The following IL18R1 variants were observed in gnomAD, a reference collection of about 807,000 sequenced individuals.
The protein encoded by IL18R1 is interleukin 18 receptor 1, also known as interleukin-18 receptor 1.
Under a neutral mutation model 48.5 loss-of-function variants are expected in IL18R1, and 40 were observed. That is an observed-to-expected ratio of 0.82 (90% confidence interval 0.64 to 1.07). IL18R1 has a LOEUF of 1.07. Ranked by LOEUF, IL18R1 falls within the 50% of genes least tolerant of loss-of-function variation. The probability of loss-of-function intolerance (pLI) is 0.00; values close to 1 mark genes in which losing one functional copy is unlikely to be tolerated. For synonymous variants in IL18R1, 232 were observed against 225.9 expected, an observed-to-expected ratio of 1.03 and a Z score of -0.24; for missense variants, 596 against 633.7, an observed-to-expected ratio of 0.94 and a Z score of 0.64.
intron 9 of IL18R1, among the ~76,000 whole-genome samples, chr2:102,394,267 A>C (rs534159246): frequency 6.6e-6 from 1 of 152,270 alleles, no homozygotes; most frequent in Admixed American, 6.5e-5. Context: ...GGTGTCAAGC[A>C]GTGGGATCTT....
chr2:102,373,225 C>G (rs11465608), intron 4 of IL18R1, among the ~76,000 whole-genome samples: 394 of 152,070 alleles, frequency 2.6e-3, no homozygotes, highest in Non-Finnish European at 4.0e-3. Flanking sequence ...AGTTGGTATA[C>G]CTTTTACCTG....
At position 102,396,542 on chromosome 2, in the gene IL18R1, GA is replaced by G. The variant is rs2105139080; in HGVS notation, c.1285del (p.Ile429SerfsTer4). On this transcript the variant is annotated frameshift_variant, in exon 11 of 11. Transcript: ENST00000233957. LOFTEE classifies it low-confidence loss of function (END_TRUNC). ...TCTTGCATTTTCAGCTGTTGTTGAT[GA>G]AATCCACTCACTGATAGAGAAAAGC... ...DVVPGGAVVDEIHSLIEKSRR... is the reference protein window; with the variant it reads ...DVVPGGAVVDXIHSLIEKSRR... 1.3e-6 allele frequency: 2 copies of G among 1,584,572 alleles called. No homozygotes were observed. The highest frequency in any genetic ancestry group is 1.7e-6 in the Non-Finnish European group (2 of 1,164,664).
intron 5 of IL18R1, among the ~76,000 whole-genome samples, chr2:102,377,614 C>A (rs1331611725): frequency 6.6e-6 from 1 of 152,262 alleles, no homozygotes; most frequent in South Asian, 2.1e-4. Context: ...CTGCACCAGG[C>A]TGGAAAATGT....
At chr2:102,360,290 G>A (rs1678496767) in intron 1 of IL18R1, among the ~76,000 whole-genome samples, 1 of 152,194 alleles carries the variant, frequency 6.6e-6, no homozygotes, top group African/African-American at 2.4e-5. Flanking sequence ...TTGAGAAGGA[G>A]TCTTGCTCTG....
intron 8 of IL18R1, among the ~76,000 whole-genome samples, chr2:102,388,856 G>A (rs1680396426): frequency 2.6e-5 from 4 of 152,130 alleles, no homozygotes; most frequent in Admixed American, 2.0e-4. Context: ...GAAAGATATG[G>A]AAAGATAATT....
rs1420383101 is a variant in IL18R1 at position 102,398,415 on chromosome 2, A to T, written c.*1529A>T. 1 of 152,364 alleles carries T rather than the reference A, an allele frequency of 6.6e-6. No individual in the cohort carries two copies. The highest frequency in any genetic ancestry group is 1.5e-5 in the Non-Finnish European group (1 of 68,034). The allele number at this position is 152,364 out of a possible 1,614,324, so 9.4% of individuals were successfully genotyped here. ...AGATTGTTTCAAATGGGTGTAGTAGATATTACTGAAAACCAAAAAAGAGTG... is the reference window on the plus strand; with the variant it reads ...AGATTGTTTCAAATGGGTGTAGTAGTTATTACTGAAAACCAAAAAAGAGTG... On this transcript the variant is annotated 3_prime_UTR_variant, in exon 11 of 11. Coordinates refer to ENST00000233957, the MANE Select transcript of IL18R1 (RefSeq NM_003855.5).
At chr2:102,391,584 A>G (rs1680571468) in intron 9 of IL18R1, among the ~76,000 whole-genome samples, 1 of 152,226 alleles carries the variant, frequency 6.6e-6, no homozygotes, top group Non-Finnish European at 1.5e-5. Flanking sequence ...TGTATGCAGT[A>G]GGTCTGAAAG....
At chr2:102,364,032 A>G (rs1003689972) in intron 2 of IL18R1, among the ~76,000 whole-genome samples, 1 of 152,212 alleles carries the variant, frequency 6.6e-6, no homozygotes, top group Non-Finnish European at 1.5e-5. Flanking sequence ...ATGGTAAACC[A>G]TGATTAGATA....
rs1477166176 is a variant in IL18R1 at position 102,355,981 on chromosome 2, A to ACCCGGACCGGAGGGTC, written c.-444_-429dup. ...GTCCTGGAGCACGGCTGCGAGGAGC[A>ACCCGGACCGGAGGGTC]CCCGGACCGGAGGGTCCCCAGACCG... is the stretch of plus-strand genomic sequence containing the variant. On this transcript the variant is annotated 5_prime_UTR_variant, in exon 1 of 11. Coordinates refer to ENST00000233957, the MANE Select transcript of IL18R1 (RefSeq NM_003855.5). 3.3e-5 allele frequency: 5 copies of ACCCGGACCGGAGGGTC among 152,276 alleles called. No homozygotes were observed. Among genetic ancestry groups the ACCCGGACCGGAGGGTC allele is most frequent in the African/African-American group, 1.2e-4 (5 of 41,530 alleles). 9.4% of individuals were successfully genotyped at this position (152,276 alleles called of 1,614,324 possible).
intron 6 of IL18R1, among the ~76,000 whole-genome samples, chr2:102,383,394 C>G (rs960976525): frequency 6.6e-6 from 1 of 152,170 alleles, no homozygotes; most frequent in African/African-American, 2.4e-5. Context: ...GTGAATATCT[C>G]CAGCTATTAT....
chr2:102,363,405 G>C (rs908279036), intron 2 of IL18R1, among the ~76,000 whole-genome samples: 1 of 151,980 alleles, frequency 6.6e-6, no homozygotes, highest in Non-Finnish European at 1.5e-5. Context: ...TTAAGCTTTT[G>C]GTACTTTCAA....
chr2:102,384,960 G>A lies in IL18R1; in HGVS notation c.771G>A (p.Ser257=), dbSNP rs150063521. 419 of 1,604,282 alleles carry A rather than the reference G, an allele frequency of 2.6e-4. No homozygotes were observed. Among genetic ancestry groups the A allele is most frequent in the African/African-American group, 5.6e-4 (42 of 74,684 alleles). The change falls in exon 7 of 11, where the codon TCG becomes TCA. Residue 257 remains serine (S), a synonymous_variant. Coordinates refer to ENST00000233957, the MANE Select transcript of IL18R1 (RefSeq NM_003855.5). ...IYWMFGEENG[S]DPNIHEEKEM... ...GGATGTTCGGGGAAGAAAATGGATCGGATCCTAATATACATGAAGAGAAAG... is the reference window on the plus strand; with the variant it reads ...GGATGTTCGGGGAAGAAAATGGATCAGATCCTAATATACATGAAGAGAAAG...
At chr2:102,385,073 A>G in intron 7 of IL18R1, 75 bp downstream of exon 7, 2 of 758,444 alleles carry the variant, frequency 2.6e-6, no homozygotes, top group South Asian at 4.9e-5. Context: ...CATCATATTA[A>G]AAACACTGGG....
chr2:102,370,318 G>A (rs1679178690), intron 3 of IL18R1, among the ~76,000 whole-genome samples: 1 of 152,196 alleles, frequency 6.6e-6, no homozygotes, highest in South Asian at 2.1e-4. Flanking sequence ...CTGAAAAAAT[G>A]GGGATATTCA....
intron 8 of IL18R1, among the ~76,000 whole-genome samples, chr2:102,387,254 G>A (rs934724231): frequency 1.3e-5 from 2 of 152,160 alleles, no homozygotes; most frequent in Non-Finnish European, 2.9e-5. Flanking sequence ...CTGAGGCTTG[G>A]AGATACAGAT....
At chr2:102,365,941 C>A (rs1454164864) in intron 2 of IL18R1, among the ~76,000 whole-genome samples, 4 of 152,160 alleles carry the variant, frequency 2.6e-5, no homozygotes, top group East Asian at 3.9e-4. Context: ...CAGAAAGGGA[C>A]CCTGGGCCCA....
At chr2:102,371,051 G>T (rs370727007) in intron 3 of IL18R1, among the ~76,000 whole-genome samples, 1,021 of 18,528 alleles carry the variant, frequency 0.055, 7 homozygotes, top group African/African-American at 0.13. Flanking sequence ...ACCTTTTTTT[G>T]TTGTTGTTGT....
chr2:102,388,309 A>G (rs998793153), intron 8 of IL18R1, among the ~76,000 whole-genome samples: 3 of 152,174 alleles, frequency 2.0e-5, no homozygotes, highest in Non-Finnish European at 4.4e-5. Context: ...CCATGATCTC[A>G]TCCAGTCTTA....
chr2:102,396,602 A>G lies in IL18R1; in HGVS notation c.1342A>G (p.Met448Val). The G allele has an allele frequency of 6.2e-7, 1 of 1,613,344 alleles. No individual in the cohort carries two copies. The highest frequency in any genetic ancestry group is 1.7e-5 in the Admixed American group (1 of 59,940). The change falls in exon 11 of 11, where the codon ATG (methionine) becomes GTG (valine). Residue 448 changes from methionine to valine, a missense_variant. Physicochemically the swap from Met to Val is conservative, Grantham distance 21 (BLOSUM62 1). Transcript: ENST00000233957. ...RLIIVLSKSYMSNEVRYELES... is the reference protein window; with the variant it reads ...RLIIVLSKSYVSNEVRYELES... ...AATCATTGTCCTAAGTAAAAGTTATATGTCTAATGAGGTCAGGTATGAACT... is the reference window on the plus strand; with the variant it reads ...AATCATTGTCCTAAGTAAAAGTTATGTGTCTAATGAGGTCAGGTATGAACT...
Sources: gnomAD v4.1 joint callset for allele counts (sites outside exome capture counted in the v4.1 genomes callset) on GRCh38, gnomAD v4.1.1 for gene constraint, MANE v1.5 for transcripts, NCBI Gene and HGNC (gene_info 2026-07-23, HGNC 2026-07-21) for gene names.